Variants in HSPG2 observed in about 807,000 individuals in gnomAD.
The protein encoded by HSPG2 is heparan sulfate proteoglycan 2.
Under a neutral mutation model 526.6 loss-of-function variants are expected in HSPG2, and 278 were observed. That is an observed-to-expected ratio of 0.53 (90% CI 0.48 to 0.58). HSPG2 has a LOEUF of 0.58. HSPG2 is among the 20% of genes least tolerant of loss of function. The probability of loss-of-function intolerance (pLI) is 0.00; values close to 1 mark genes in which losing one functional copy is unlikely to be tolerated. For synonymous variants in HSPG2, 2,465 were observed against 2,555.4 expected (o/e 0.96, Z 1.07); for missense variants, 5,354 against 6,099.5 (o/e 0.88, Z 4.07).
chr1:21,911,101 G>C (rs1474882061), intron 1 of HSPG2, among the ~76,000 whole-genome samples: 1 of 152,176 alleles, frequency 6.6e-6, no homozygotes, highest in East Asian at 1.9e-4. Context: ...CAAGTTGCTT[G>C]GCCTCTCTGA....
chr1:21,848,574 G>A lies in HSPG2; in HGVS notation c.7737+69C>T, dbSNP rs762478522. On this transcript the variant is annotated intron_variant, in intron 59 of 96. Coordinates refer to ENST00000374695, the MANE Select transcript of HSPG2 (RefSeq NM_005529.7). This position sits in a 1 kb window ranked among gnomAD's most constrained non-coding sequence, Gnocchi z 4.9. ...GAATGAGCACAGAGTGAGGTGCTGA[G>A]AGTCCCCCCTCTTCCCATTGGGGGC... 1.8e-5 allele frequency: 27 copies of A among 1,532,578 alleles called. No homozygotes were observed. Among genetic ancestry groups the A allele is most frequent in the Non-Finnish European group, 2.3e-5 (25 of 1,108,756 alleles). 94.9% of individuals were successfully genotyped at this position (1,532,578 alleles called of 1,614,324 possible).
intron 1 of HSPG2, among the ~76,000 whole-genome samples, chr1:21,923,461 T>G (rs1644101191): frequency 6.6e-6 from 1 of 152,168 alleles, no homozygotes; most frequent in South Asian, 2.1e-4. Flanking sequence ...CTCGCTATTT[T>G]GCACATCCAT....
intron 66 of HSPG2, 29 bp downstream of exon 66, chr1:21,843,268 G>A: frequency 1.9e-6 from 3 of 1,613,664 alleles, no homozygotes; most frequent in Admixed American, 1.7e-5. Flanking sequence ...CCTGTGCTCT[G>A]GCATCGCCCA....
intron 42 of HSPG2, among the ~76,000 whole-genome samples, chr1:21,857,859 C>T (rs1294809143): frequency 6.6e-6 from 1 of 152,180 alleles, no homozygotes; most frequent in Non-Finnish European, 1.5e-5. Context: ...CTCAAATCTA[C>T]CAGCTCTCTA....
intron 33 of HSPG2, chr1:21,869,462 A>G (rs1640482755): frequency 1.0e-6 from 1 of 986,530 alleles, no homozygotes; most frequent in Non-Finnish European, 1.2e-6. Context: ...ACCTTGGCAC[A>G]TACCTGAGAG....
At chr1:21,933,808 G>A (rs1286964100) in intron 1 of HSPG2, among the ~76,000 whole-genome samples, 1 of 152,238 alleles carries the variant, frequency 6.6e-6, no homozygotes, top group Non-Finnish European at 1.5e-5. Context: ...TGTGCCGGCT[G>A]CAGGTACGGA....
chr1:21,865,807 C>T lies in HSPG2; in HGVS notation c.4224G>A (p.Val1408=), dbSNP rs768369194. The T allele has an allele frequency of 1.2e-6, 2 of 1,613,396 alleles. No individual in the cohort carries two copies. The highest frequency in any genetic ancestry group is 2.2e-5 in the South Asian group (2 of 91,076). The change falls in exon 34 of 97, where the codon GTG becomes GTA. Residue 1408 remains valine (V), a splice_region_variant and synonymous_variant. Coordinates refer to ENST00000374695, the MANE Select transcript of HSPG2 (RefSeq NM_005529.7). The surrounding 1 kb of genome is among the most constrained non-coding windows in gnomAD (Gnocchi z 5.4). ...ATCGCAACTTCCCACCGTAGGCCGC[C>T]ACCTGCAAAGAGGCAAGCCCAGAGG... is the stretch of plus-strand genomic sequence containing the variant. The part of the protein sequence containing the change: ...QLPETYQGDK[V]AAYGGKLRYT...
rs1317749673 is a variant in HSPG2, at chr1:21,846,164, T to C, written c.8408A>G (p.Glu2803Gly). 1 of 1,613,090 alleles carries C rather than the reference T, an allele frequency of 6.2e-7. No homozygotes were observed. The highest frequency in any genetic ancestry group is 1.1e-5 in the South Asian group (1 of 91,082). Residue 2803 changes from glutamate (E) to glycine (G), a missense_variant, in exon 64 of 97, where the codon GAG becomes GGG. Glu to Gly is a moderately conservative substitution (Grantham distance 98). Transcript: ENST00000374695. ...CRVMGSSGPL[E>G]ASVLVTIEAS... ...TTCGATGGTGACCAGGACTGAGGCC[T>C]CCAGGGGGCCAGAGCTGCCCATCAC...
intron 1 of HSPG2, among the ~76,000 whole-genome samples, chr1:21,925,628 C>T (rs1019609555): frequency 1.3e-5 from 2 of 152,292 alleles, no homozygotes; most frequent in African/African-American, 4.8e-5. Flanking sequence ...AAAAGACACC[C>T]GAGTCTGTGA....
rs770079843 is a variant in HSPG2, at chr1:21,879,137, G to A, written c.2344-16C>T. On this transcript the variant is annotated splice_polypyrimidine_tract_variant and intron_variant, in intron 17 of 96. Coordinates refer to ENST00000374695, the MANE Select transcript of HSPG2 (RefSeq NM_005529.7). ...GCTGGCAATTCTAGAAGAAGGAGGA[G>A]GGTATGGCTCAACTTCTAGAGCAGA... 3.1e-6 allele frequency: 5 copies of A among 1,614,150 alleles called. No individual in the cohort carries two copies. Among genetic ancestry groups the A allele is most frequent in the Admixed American group, 1.7e-5 (1 of 60,024 alleles).
chr1:21,868,660 ACAGGGGTCAGGGGCCAGGGGT>A lies in HSPG2; in HGVS notation c.4222-2872_4222-2852del, dbSNP rs559960472. ...CCTCCCAGGCGAGACAGCTCCTCTG[ACAGGGGTCAGGGGCCAGGGGT>A]CAGGGGTCAGGGCCCGCTGAAGGAC... is the stretch of plus-strand genomic sequence containing the variant. On this transcript the variant is annotated intron_variant, in intron 33 of 96. Coordinates refer to ENST00000374695, the MANE Select transcript of HSPG2 (RefSeq NM_005529.7). Among the ~76,000 whole-genome samples the A allele has an allele frequency of 5.6e-3, 851 of 152,244 alleles. 6 individuals carry two copies. The highest frequency in any genetic ancestry group is 0.019 in the African/African-American group (791 of 41,542).
At position 21,854,864 on chromosome 1, in the gene HSPG2, T is replaced by C. The variant is rs1420942053; in HGVS notation, c.6117A>G (p.Gln2039=). ...AGTCCGTACCTGAAAGGACAACCAC[T>C]TGGATCCGGGCCTGGGCAGTGCCTG... is the stretch of plus-strand genomic sequence containing the variant. ...SPAGTAQARI[Q]VVVLSASDAS... is the part of the protein sequence containing the mutation. The change falls in exon 48 of 97, where the codon CAA becomes CAG. Residue 2039 remains glutamine (Q), a synonymous_variant. Transcript: ENST00000374695. The C allele has an allele frequency of 4.3e-6, 7 of 1,613,864 alleles. No individual in the cohort carries two copies. Among genetic ancestry groups the C allele is most frequent in the African/African-American group, 4.0e-5 (3 of 74,906 alleles).
At chr1:21,933,122 A>G (rs1235860397) in intron 1 of HSPG2, among the ~76,000 whole-genome samples, 1 of 150,998 alleles carries the variant, frequency 6.6e-6, no homozygotes, top group East Asian at 2.0e-4. Context: ...CAGGGGGCTG[A>G]GGTGGGAGGA....
At chr1:21,903,358 T>C (rs1643199784) in intron 1 of HSPG2, among the ~76,000 whole-genome samples, 1 of 152,188 alleles carries the variant, frequency 6.6e-6, no homozygotes, top group African/African-American at 2.4e-5. Context: ...CCCCGCACTT[T>C]GGGAGGCAGA....
intron 33 of HSPG2, among the ~76,000 whole-genome samples, chr1:21,871,506 C>T (rs769318642): frequency 2.0e-5 from 3 of 152,114 alleles, no homozygotes; most frequent in Non-Finnish European, 4.4e-5. Flanking sequence ...AAGTGGTCCT[C>T]CCGCCTCAGC....
In HSPG2 at chr1:21,829,057, G is replaced by C. The variant is rs770257885; in HGVS notation, c.12015C>G (p.Ala4005=). Reference sequence around the variant, plus strand: ...GCCAGCGGCCCAGGGCCAGCGGCTCGGCGCTCCGCAGAACGGCCAGCCCTG... The same window carrying C: ...GCCAGCGGCCCAGGGCCAGCGGCTCCGCGCTCCGCAGAACGGCCAGCCCTG... The part of the protein sequence containing the change: ...LGSGLAVLRS[A]EPLALGRWHR... Residue 4005 remains alanine (A), a synonymous_variant, in exon 88 of 97, where the codon GCC becomes GCG. Coordinates refer to ENST00000374695, the MANE Select transcript of HSPG2 (RefSeq NM_005529.7). 5.8e-6 allele frequency: 9 copies of C among 1,543,850 alleles called. No individual in the cohort carries two copies. Among genetic ancestry groups the C allele is most frequent in the Non-Finnish European group, 7.0e-6 (8 of 1,146,556 alleles).
At position 21,834,880 on chromosome 1, in the gene HSPG2, C is replaced by T; in HGVS notation, c.10519G>A (p.Glu3507Lys). Reference protein sequence around the residue: ...VQTVVVGHAVEFECLALGDPK... With the variant: ...VQTVVVGHAVKFECLALGDPK... Reference sequence around the variant, plus strand: ...TCACCCAGTGCCAGGCATTCGAACTCCACGGCGTGGCCAACCACCACGGTC... The same window carrying T: ...TCACCCAGTGCCAGGCATTCGAACTTCACGGCGTGGCCAACCACCACGGTC... Residue 3507 changes from glutamate to lysine, a missense_variant, in exon 77 of 97, where the codon GAG (glutamate) becomes AAG (lysine). Physicochemically the swap from Glu to Lys is moderately conservative, Grantham distance 56. Transcript: ENST00000374695. 6.2e-7 allele frequency: 1 copy of T among 1,613,728 alleles called. No individual in the cohort carries two copies.
At chr1:21,878,801 A>C (rs1641290443) in intron 18 of HSPG2, 138 bp from the exon 19 acceptor site, 9 of 1,173,976 alleles carry the variant, frequency 7.7e-6, no homozygotes, top group Non-Finnish European at 1.1e-5. Flanking sequence ...GCAGCCTCAC[A>C]GCAACTGTAG....
intron 20 of HSPG2, 76 bp downstream of exon 20, chr1:21,878,357 G>A: frequency 6.3e-7 from 1 of 1,575,228 alleles, no homozygotes; most frequent in Non-Finnish European, 8.7e-7. Flanking sequence ...GCTGGGGCAG[G>A]GAGGGAGGGT....
Sources: allele counts gnomAD v4.1 joint callset (sites outside exome capture counted in the v4.1 genomes callset), GRCh38; gene constraint gnomAD v4.1.1; non-coding constraint Gnocchi (gnomAD v3.1); transcripts MANE v1.5; gene names NCBI Gene and HGNC (gene_info 2026-07-23, HGNC 2026-07-21).